Variants in PDK1 observed in about 807,000 individuals in gnomAD.
PDK1 encodes [Pyruvate dehydrogenase (acetyl-transferring)] kinase isozyme 1, mitochondrial.
A neutral mutation model predicts 54.2 loss-of-function variants in PDK1; 39 were observed. The observed-to-expected ratio is 0.72, with a 90% CI of 0.56 to 0.94. The LOEUF is 0.94. Ranked by LOEUF, PDK1 falls within the 40% of genes least tolerant of loss-of-function variation. PDK1 has a pLI of 0.00. For synonymous variants in PDK1, 221 were observed against 207.1 expected, an observed-to-expected ratio of 1.07 and a Z score of -0.58; for missense variants, 552 against 566.0, an observed-to-expected ratio of 0.98 and a Z score of 0.25.
chr2:172,625,182 A>G, the PDK1 span, among the ~76,000 whole-genome samples: 1 of 152,226 alleles, frequency 6.6e-6, no homozygotes, highest in Admixed American at 6.5e-5. Flanking sequence ...ATTTTGAGTC[A>G]TAACAGCTGT....
intron 6 of PDK1, among the ~76,000 whole-genome samples, chr2:172,568,327 C>CAAAAA (rs11400625): frequency 2.3e-4 from 13 of 57,064 alleles, no homozygotes; most frequent in African/African-American, 4.5e-4. Flanking sequence ...GACTCCGTCT[C>CAAAAA]AAAAAAAAAA....
chr2:172,633,867 A>ATTTTTTTTTTT, the PDK1 span, among the ~76,000 whole-genome samples: 7 of 68,842 alleles, frequency 1.0e-4, 1 homozygote, highest in Non-Finnish European at 1.2e-4. Flanking sequence ...TTAGTCTATG[A>ATTTTTTTTTTT]TTTTTTTTTT....
chr2:172,720,148 T>G, the PDK1 span, among the ~76,000 whole-genome samples: 1 of 147,956 alleles, frequency 6.8e-6, no homozygotes, highest in Non-Finnish European at 1.5e-5. Context: ...AGAGTCTTGC[T>G]TTGTCCCCCA....
chr2:172,630,921 C>T, the PDK1 span, among the ~76,000 whole-genome samples: 18 of 152,142 alleles, frequency 1.2e-4, no homozygotes, highest in African/African-American at 3.1e-4. Flanking sequence ...TGAGCCACTG[C>T]GCTCAGCCAC....
Position 172,596,275 on chromosome 2 carries a change from A to AT in PDK1, c.*306_*307insT. The AT allele has an allele frequency of 5.3e-6, 1 of 188,762 alleles. No individual in the cohort carries two copies. Among genetic ancestry groups the AT allele is most frequent in the Non-Finnish European group, 1.1e-5 (1 of 95,164 alleles). 11.7% of individuals were successfully genotyped at this position (188,762 alleles called of 1,614,324 possible). On this transcript the variant is annotated 3_prime_UTR_variant, in exon 11 of 11. Coordinates refer to ENST00000282077, the MANE Select transcript of PDK1 (RefSeq NM_002610.5). ...AATCTTCGGGTTTCTATAGGAAACTAGTTTTTTTTTTTTAAGAAATACTTT... is the reference window on the plus strand; with the variant it reads ...AATCTTCGGGTTTCTATAGGAAACTATGTTTTTTTTTTTTAAGAAATACTTT...
At chr2:172,583,036 CTACCTTTT>C (rs992480878) in intron 8 of PDK1, among the ~76,000 whole-genome samples, 4 of 152,310 alleles carry the variant, frequency 2.6e-5, no homozygotes, top group Admixed American at 2.6e-4. Context: ...TTACTCAAGT[CTACCTTTT>C]TATCTTAGTA....
chr2:172,650,891 A>T, the PDK1 span, among the ~76,000 whole-genome samples: 3 of 152,222 alleles, frequency 2.0e-5, no homozygotes, highest in African/African-American at 7.2e-5. Flanking sequence ...GGGAGACTTT[A>T]ACACCCCACT....
intron 8 of PDK1, among the ~76,000 whole-genome samples, chr2:172,579,800 C>T (rs1310487587): frequency 2.7e-5 from 4 of 150,820 alleles, no homozygotes; most frequent in Admixed American, 1.3e-4. Context: ...GGTCTTTGAA[C>T]TTCCCATTAT....
the PDK1 span, among the ~76,000 whole-genome samples, chr2:172,671,635 A>T: frequency 2.0e-5 from 3 of 151,922 alleles, no homozygotes; most frequent in African/African-American, 7.2e-5. Context: ...TGATATAATG[A>T]CTATTCTTGA....
chr2:172,655,844 A>G, the PDK1 span, among the ~76,000 whole-genome samples: 2 of 152,230 alleles, frequency 1.3e-5, no homozygotes, highest in South Asian at 4.1e-4. Context: ...AGCTCTCTGT[A>G]TCCCAAACTC....
the PDK1 span, chr2:172,723,175 A>T: frequency 6.6e-6 from 1 of 152,154 alleles, no homozygotes; most frequent in African/African-American, 2.4e-5. Flanking sequence ...GTTAAAAAGC[A>T]GACAGACCCC....
At chr2:172,618,193 G>T in the PDK1 span, among the ~76,000 whole-genome samples, 32 of 152,066 alleles carry the variant, frequency 2.1e-4, no homozygotes, top group African/African-American at 7.5e-4. Context: ...ATGTAGGTAG[G>T]ACTTATTATA....
chr2:172,697,670 C>A, the PDK1 span, among the ~76,000 whole-genome samples: 2,090 of 152,300 alleles, frequency 0.014, 25 homozygotes, highest in Admixed American at 0.041. Context: ...TTCTTAAAAA[C>A]AATTATTGTG....
At chr2:172,681,855 T>A in the PDK1 span, among the ~76,000 whole-genome samples, 1 of 152,064 alleles carries the variant, frequency 6.6e-6, no homozygotes, top group African/African-American at 2.4e-5. Flanking sequence ...ATCTCCCAGG[T>A]TCAAGCGATT....
At chr2:172,647,160 T>C in the PDK1 span, among the ~76,000 whole-genome samples, 2 of 152,172 alleles carry the variant, frequency 1.3e-5, no homozygotes, top group Non-Finnish European at 2.9e-5. Flanking sequence ...TTTCCAAACA[T>C]GGACGAGCTT....
At chr2:172,723,711 T>C in the PDK1 span, 3 of 152,230 alleles carry the variant, frequency 2.0e-5, no homozygotes, top group Admixed American at 1.3e-4. Context: ...ATATAAACTT[T>C]ATATCAGTGT....
At chr2:172,691,813 T>C in the PDK1 span, among the ~76,000 whole-genome samples, 1 of 152,232 alleles carries the variant, frequency 6.6e-6, no homozygotes, top group African/African-American at 2.4e-5. Context: ...TATTCATTCA[T>C]CTACTGAAGG....
the PDK1 span, among the ~76,000 whole-genome samples, chr2:172,703,127 T>C: frequency 6.6e-6 from 1 of 152,112 alleles, no homozygotes; most frequent in Non-Finnish European, 1.5e-5. Context: ...TGCACACACA[T>C]GCAGAGGAGA....
intron 8 of PDK1, among the ~76,000 whole-genome samples, chr2:172,578,076 G>C (rs1460678704): frequency 2.6e-5 from 4 of 152,112 alleles, no homozygotes; most frequent in Non-Finnish European, 5.9e-5. Context: ...CTTCATTTTT[G>C]AAGGATAGTT....
Sources: gnomAD v4.1 joint callset for allele counts (sites outside exome capture counted in the v4.1 genomes callset) on GRCh38, gnomAD v4.1.1 for gene constraint, MANE v1.5 for transcripts, NCBI Gene and HGNC (gene_info 2026-07-23, HGNC 2026-07-21) for gene names.